CSMD1: variants seen among roughly 807,000 people sequenced by gnomAD.
CSMD1 encodes the protein CUB and sushi domain-containing protein 1.
A neutral mutation model predicts 417.5 loss-of-function variants in CSMD1; 213 were observed. The ratio of observed to expected loss-of-function variants is 0.51; its 90% CI spans 0.46 to 0.57. The LOEUF (loss-of-function observed/expected upper bound fraction) is 0.57, where lower values mean the gene tolerates loss of function less well. Ranked by LOEUF, CSMD1 falls within the 20% of genes least tolerant of loss-of-function variation. The pLI is 0.00. For missense variants in CSMD1, 6,923 were observed against 4,529.7 expected (o/e 1.53, Z -15.17); for synonymous variants, 2,862 against 1,736.8 (o/e 1.65, Z -16.11).
chr8:3,978,319 A>G (rs1229105190), intron 5 of CSMD1, among the ~76,000 whole-genome samples: 2 of 152,164 alleles, frequency 1.3e-5, no homozygotes, highest in Non-Finnish European at 2.9e-5. Flanking sequence ...AACTGTTCCC[A>G]CATGGCTCTC....
Position 2,937,890 on chromosome 8 carries a change from ATTTTTT to A in CSMD1, c.*689_*694del, listed in dbSNP as rs3214964. 6.6e-6 allele frequency: 1 copy of A among 152,340 alleles called. No individual in the cohort carries two copies. Among genetic ancestry groups the A allele is most frequent in the African/African-American group, 2.4e-5 (1 of 41,350 alleles). 9.4% of individuals were successfully genotyped at this position (152,340 alleles called of 1,614,324 possible). A position where few individuals can be genotyped will look rare whatever the true frequency, so the allele number is the denominator to read the frequency against. On this transcript the variant is annotated 3_prime_UTR_variant, in exon 70 of 70. Coordinates refer to ENST00000635120, the MANE Select transcript of CSMD1 (RefSeq NM_033225.6). ...TGTATAAACCCTGTGTAAATAATTT[ATTTTTT>A]TTATCAGAATCTTAGTCATTCATAA...
chr8:4,100,842 A>G (rs1392537990), intron 3 of CSMD1, among the ~76,000 whole-genome samples: 1 of 152,232 alleles, frequency 6.6e-6, no homozygotes, highest in Admixed American at 6.5e-5. Context: ...TGTAAAAGCA[A>G]GAGCCTCAGA....
intron 3 of CSMD1, among the ~76,000 whole-genome samples, chr8:4,150,944 G>A (rs34678715): frequency 0.032 from 4,847 of 152,232 alleles, 113 homozygotes; most frequent in Non-Finnish European, 0.052. Context: ...AGTCTGCAAC[G>A]TCCAAACTTT....
chr8:4,195,197 C>T (rs540338576), intron 3 of CSMD1, among the ~76,000 whole-genome samples: 3 of 152,150 alleles, frequency 2.0e-5, no homozygotes, highest in African/African-American at 7.2e-5. Flanking sequence ...GGAAAATAAA[C>T]TAAAACCTTG....
intron 25 of CSMD1, among the ~76,000 whole-genome samples, chr8:3,305,117 G>A (rs1804728131): frequency 6.6e-6 from 1 of 152,116 alleles, no homozygotes; most frequent in Admixed American, 6.6e-5. Flanking sequence ...CTGGGCTCAA[G>A]ACATCCTCTT....
chr8:4,342,940 G>T (rs998550026), intron 3 of CSMD1, among the ~76,000 whole-genome samples: 4 of 152,050 alleles, frequency 2.6e-5, no homozygotes, highest in Non-Finnish European at 5.9e-5. Context: ...ACACTGATCT[G>T]TAAGTTTCAG....
chr8:3,791,189 T>G (rs927554329), intron 5 of CSMD1, among the ~76,000 whole-genome samples: 7 of 152,320 alleles, frequency 4.6e-5, no homozygotes, highest in African/African-American at 1.7e-4. Flanking sequence ...TTAGATGTGT[T>G]TGTAAACCCC....
intron 10 of CSMD1, among the ~76,000 whole-genome samples, chr8:3,507,071 G>A (rs991410873): frequency 1.3e-5 from 2 of 152,082 alleles, no homozygotes; most frequent in African/African-American, 4.8e-5. Context: ...TTGGTGTCAT[G>A]GTTACAGTTT....
At chr8:4,621,919 A>G (rs1185073670) in intron 2 of CSMD1, among the ~76,000 whole-genome samples, 1 of 152,120 alleles carries the variant, frequency 6.6e-6, no homozygotes, top group Non-Finnish European at 1.5e-5. Flanking sequence ...AAACAGAAAA[A>G]AAGGCAAAAA....
At chr8:3,914,090 T>C (rs796229400) in intron 5 of CSMD1, among the ~76,000 whole-genome samples, 5 of 152,326 alleles carry the variant, frequency 3.3e-5, no homozygotes, top group African/African-American at 1.2e-4. Flanking sequence ...CATATTTGAA[T>C]TATGTAAGTG....
chr8:4,081,690 A>C (rs1178800247), intron 3 of CSMD1, among the ~76,000 whole-genome samples: 1 of 152,232 alleles, frequency 6.6e-6, no homozygotes, highest in African/African-American at 2.4e-5. Flanking sequence ...GAAGTCCAAA[A>C]CATTTAAATT....
chr8:4,961,476 C>T (rs73515815), intron 1 of CSMD1, among the ~76,000 whole-genome samples: 1,955 of 152,198 alleles, frequency 0.013, 45 homozygotes, highest in African/African-American at 0.045. Flanking sequence ...GAAACATATT[C>T]TCCAATGACA....
chr8:4,142,707 A>C lies in CSMD1; in HGVS notation c.416-110608T>G, dbSNP rs929966463. ...TTATTGGGTGGCTGAGGTTTAGGGC[A>C]TTCCTAGAGGCCAGACCTGACACAA... On this transcript the variant is annotated intron_variant, in intron 3 of 69. Coordinates refer to ENST00000635120, the MANE Select transcript of CSMD1 (RefSeq NM_033225.6). Among the ~76,000 whole-genome samples the C allele has an allele frequency of 3.8e-4, 57 of 151,138 alleles. 4 individuals are homozygous for C. The highest frequency in any genetic ancestry group is 1.1e-3 in the African/African-American group (45 of 40,450).
chr8:3,401,887 T>G (rs1812059886), intron 15 of CSMD1, among the ~76,000 whole-genome samples: 1 of 151,724 alleles, frequency 6.6e-6, no homozygotes, highest in Non-Finnish European at 1.5e-5. Flanking sequence ...TCATACTCAC[T>G]TAGCTGATAA....
chr8:4,565,292 G>A (rs546886438), intron 2 of CSMD1, among the ~76,000 whole-genome samples: 1 of 152,224 alleles, frequency 6.6e-6, no homozygotes, highest in Non-Finnish European at 1.5e-5. Context: ...AAGTGTAACT[G>A]TAAATTTCTA....
At chr8:4,167,750 G>T (rs1049164166) in intron 3 of CSMD1, among the ~76,000 whole-genome samples, 5 of 152,182 alleles carry the variant, frequency 3.3e-5, no homozygotes, top group African/African-American at 9.7e-5. Flanking sequence ...AGCACTTTTA[G>T]AGACCAAGGC....
At chr8:3,242,005 G>C (rs186945121) in intron 26 of CSMD1, among the ~76,000 whole-genome samples, 2,058 of 74,524 alleles carry the variant, frequency 0.028, 96 homozygotes, top group East Asian at 0.092. Context: ...GCTGTAAAGC[G>C]TCTCAGGTTT....
intron 18 of CSMD1, chr8:3,375,157 T>G (rs968245196): frequency 6.6e-6 from 1 of 152,200 alleles, no homozygotes; most frequent in Admixed American, 6.6e-5. Context: ...TCCAACTGTG[T>G]TGAACTTCCA....
At chr8:3,753,423 G>A (rs1471456673) in intron 6 of CSMD1, among the ~76,000 whole-genome samples, 1 of 152,176 alleles carries the variant, frequency 6.6e-6, no homozygotes, top group Non-Finnish European at 1.5e-5. Context: ...AATGACTACA[G>A]ACTCCCCATT....
Sources: gnomAD v4.1 joint callset for allele counts (sites outside exome capture counted in the v4.1 genomes callset) on GRCh38, gnomAD v4.1.1 for gene constraint, MANE v1.5 for transcripts, NCBI Gene and HGNC (gene_info 2026-07-23, HGNC 2026-07-21) for gene names.